The following MAP2 variants were observed in gnomAD, a reference collection of about 807,000 sequenced individuals.
MAP2 encodes the protein microtubule associated protein 2.
A neutral mutation model predicts 137.6 loss-of-function variants in MAP2; 14 were observed. That is an observed-to-expected ratio of 0.10 (90% CI 0.07 to 0.16). The LOEUF (loss-of-function observed/expected upper bound fraction) is 0.16, where lower values mean the gene tolerates loss of function less well. MAP2 is among the 10% of genes least tolerant of loss of function. MAP2 has a pLI of 1.00. For synonymous variants in MAP2, 786 were observed against 782.3 expected, an observed-to-expected ratio of 1.00 and a Z score of -0.08; for missense variants, 2,088 against 2,191.5, an observed-to-expected ratio of 0.95 and a Z score of 0.94.
intron 1 of MAP2, among the ~76,000 whole-genome samples, chr2:209,450,458 C>T (rs573653759): frequency 2.6e-5 from 4 of 152,184 alleles, no homozygotes; most frequent in African/African-American, 7.2e-5. Context: ...AGATTAGTAA[C>T]ATTTCATTTC....
At chr2:209,472,176 T>G (rs1322587194) in intron 1 of MAP2, among the ~76,000 whole-genome samples, 1 of 152,218 alleles carries the variant, frequency 6.6e-6, no homozygotes, top group Non-Finnish European at 1.5e-5. Context: ...TGAAACAGAT[T>G]AACATATCTG....
At chr2:209,677,236 C>T (rs913916581) in intron 5 of MAP2, among the ~76,000 whole-genome samples, 12 of 151,690 alleles carry the variant, frequency 7.9e-5, no homozygotes, top group African/African-American at 2.9e-4. Context: ...AATTCTATTC[C>T]AACACTAAAA....
chr2:209,506,515 T>C (rs1241005256), intron 1 of MAP2, among the ~76,000 whole-genome samples: 1 of 152,206 alleles, frequency 6.6e-6, no homozygotes, highest in Non-Finnish European at 1.5e-5. Context: ...GAGACTGCCA[T>C]AGATGCTCCC....
intron 1 of MAP2, among the ~76,000 whole-genome samples, chr2:209,449,493 A>G (rs370124230): frequency 6.6e-6 from 1 of 152,168 alleles, no homozygotes; most frequent in African/African-American, 2.4e-5. Flanking sequence ...AGTATTGAAC[A>G]TACTGTCTAA....
intron 4 of MAP2, among the ~76,000 whole-genome samples, chr2:209,626,472 G>T (rs1010059360): frequency 2.0e-5 from 3 of 152,040 alleles, no homozygotes; most frequent in Non-Finnish European, 2.9e-5. Flanking sequence ...TTAAACAAAT[G>T]CTAACATGCA....
At chr2:209,623,848 A>G (rs2091778930) in intron 3 of MAP2, among the ~76,000 whole-genome samples, 1 of 152,202 alleles carries the variant, frequency 6.6e-6, no homozygotes, top group Non-Finnish European at 1.5e-5. Flanking sequence ...GAATTCTACC[A>G]TGTTTCTTCT....
At chr2:209,496,190 A>G (rs2059733466) in intron 1 of MAP2, among the ~76,000 whole-genome samples, 1 of 152,178 alleles carries the variant, frequency 6.6e-6, no homozygotes, top group Admixed American at 6.5e-5. Context: ...GTCATTCCAC[A>G]TTTATAGATT....
intron 7 of MAP2, among the ~76,000 whole-genome samples, chr2:209,682,791 G>A (rs11692075): frequency 0.22 from 33,074 of 151,988 alleles, 5,662 homozygotes; most frequent in African/African-American, 0.48. Flanking sequence ...AGTGAGAAAG[G>A]GTAGAGCAGT....
intron 2 of MAP2, among the ~76,000 whole-genome samples, chr2:209,566,151 G>A (rs2073364784): frequency 6.6e-6 from 1 of 152,178 alleles, no homozygotes; most frequent in African/African-American, 2.4e-5. Context: ...TTATCCTGTT[G>A]ATGAGACTGA....
intron 1 of MAP2, among the ~76,000 whole-genome samples, chr2:209,479,799 T>C (rs983292427): frequency 6.6e-6 from 1 of 152,162 alleles, no homozygotes; most frequent in African/African-American, 2.4e-5. Context: ...AATTACATTT[T>C]AAAAGACTTG....
intron 3 of MAP2, among the ~76,000 whole-genome samples, chr2:209,590,093 C>T (rs897663505): frequency 2.6e-5 from 4 of 152,034 alleles, no homozygotes; most frequent in African/African-American, 9.7e-5. Flanking sequence ...TGCAGCGACC[C>T]ACCTCTTCCT....
At chr2:209,431,548 A>G (rs1284501829) in intron 1 of MAP2, among the ~76,000 whole-genome samples, 1 of 152,210 alleles carries the variant, frequency 6.6e-6, no homozygotes. Flanking sequence ...AGAGACTATC[A>G]AGGGCAAATG....
Position 209,490,499 on chromosome 2 carries a change from T to A in MAP2, c.-221-17093T>A, listed in dbSNP as rs538869473. ...CAGACTGGCAAATTGGTTAAAAGAG[T>A]CAAGACCCGCTGGTGTGCTGCATTC... is the stretch of plus-strand genomic sequence containing the variant. On this transcript the variant is annotated intron_variant, in intron 1 of 15. Coordinates refer to ENST00000682079, the MANE Select transcript of MAP2 (RefSeq NM_001375505.1). 1.8e-4 allele frequency among the ~76,000 whole-genome samples: 26 copies of A among 142,180 alleles called. 1 individual carries two copies. The South Asian group carries it at 5.8e-3, about 32-fold the overall frequency. The allele number at this position is 142,180 out of a possible 152,430, so 93.3% of individuals were successfully genotyped here.
At chr2:209,593,088 T>C (rs1327701981) in intron 3 of MAP2, among the ~76,000 whole-genome samples, 1 of 152,088 alleles carries the variant, frequency 6.6e-6, no homozygotes, top group Admixed American at 6.6e-5. Context: ...TAGGTACTCA[T>C]ATATTAATTT....
At chr2:209,635,095 C>G (rs536292062) in intron 4 of MAP2, among the ~76,000 whole-genome samples, 2 of 152,146 alleles carry the variant, frequency 1.3e-5, no homozygotes, top group East Asian at 3.9e-4. Flanking sequence ...AGAGCTCTGA[C>G]TCTAAAAGAA....
At chr2:209,509,710 C>T (rs2061497572) in intron 2 of MAP2, among the ~76,000 whole-genome samples, 1 of 151,700 alleles carries the variant, frequency 6.6e-6, no homozygotes, top group Non-Finnish European at 1.5e-5. Flanking sequence ...AAAAGAGTTT[C>T]CCTCACAGAA....
chr2:209,613,748 G>A (rs1192362986), intron 3 of MAP2, among the ~76,000 whole-genome samples: 2 of 152,136 alleles, frequency 1.3e-5, no homozygotes, highest in African/African-American at 4.8e-5. Flanking sequence ...GCTTAACATA[G>A]CTCTAAAAAA....
chr2:209,645,738 G>T (rs181824874), intron 4 of MAP2, among the ~76,000 whole-genome samples: 1 of 152,104 alleles, frequency 6.6e-6, no homozygotes, highest in African/African-American at 2.4e-5. Flanking sequence ...CAGGATTTCA[G>T]AAAAGATTTG....
intron 2 of MAP2, among the ~76,000 whole-genome samples, chr2:209,572,061 C>A (rs2074484881): frequency 6.6e-6 from 1 of 151,614 alleles, no homozygotes; most frequent in African/African-American, 2.4e-5. Context: ...GTATTATGTA[C>A]ATACATTTGG....
Sources: gnomAD v4.1 joint callset for allele counts (sites outside exome capture counted in the v4.1 genomes callset) on GRCh38, gnomAD v4.1.1 for gene constraint, MANE v1.5 for transcripts, NCBI Gene and HGNC (gene_info 2026-07-23, HGNC 2026-07-21) for gene names.